Variants in PTPN12 observed in about 807,000 individuals in gnomAD.
PTPN12 encodes protein tyrosine phosphatase non-receptor type 12.
A neutral mutation model predicts 97.6 loss-of-function variants in PTPN12; 29 were observed. The observed-to-expected ratio is 0.30, with a 90% confidence interval of 0.22 to 0.41. PTPN12 has a LOEUF of 0.41. PTPN12 is among the 10% of genes least tolerant of loss of function. PTPN12 has a pLI of 1.00. For missense variants in PTPN12, 819 were observed against 926.0 expected, an observed-to-expected ratio of 0.88 and a Z score of 1.50; for synonymous variants, 327 against 300.4, an observed-to-expected ratio of 1.09 and a Z score of -0.91.
chr7:77,584,871 C>T (rs1191102546), intron 4 of PTPN12, among the ~76,000 whole-genome samples: 59 of 146,542 alleles, frequency 4.0e-4, no homozygotes, highest in Non-Finnish European at 6.3e-4. Flanking sequence ...AGCGAGACTC[C>T]GTCTCAAAAA....
At chr7:77,592,023 A>C (rs1787882465) in intron 5 of PTPN12, among the ~76,000 whole-genome samples, 162 bp from the exon 6 acceptor site, 1 of 152,174 alleles carries the variant, frequency 6.6e-6, no homozygotes, top group East Asian at 1.9e-4. Context: ...ATTTTTTAAA[A>C]CAACTGGGTA....
chr7:77,609,888 A>C lies in PTPN12; in HGVS notation c.763-877A>C, dbSNP rs200856697. ...AGAGCGAGACTCCGTCTCAAAAAAA[A>C]AACAACAAAAAAAAAACCCAAAAAT... On this transcript the variant is annotated intron_variant, in intron 9 of 17. Transcript: ENST00000248594. Among the ~76,000 whole-genome samples, 712 of 139,356 alleles carry C rather than the reference A, an allele frequency of 5.1e-3. 4 individuals carry two copies. Among genetic ancestry groups the C allele is most frequent in the African/African-American group, 0.014 (556 of 38,910 alleles). 91.4% of individuals were successfully genotyped at this position (139,356 alleles called of 152,430 possible). A position where few individuals can be genotyped will look rare whatever the true frequency, so the allele number is the denominator to read the frequency against.
At chr7:77,588,645 A>C (rs1450079277) in intron 5 of PTPN12, among the ~76,000 whole-genome samples, 1 of 152,212 alleles carries the variant, frequency 6.6e-6, no homozygotes, top group Non-Finnish European at 1.5e-5. Flanking sequence ...AATTTGTAAA[A>C]TATGCAGTGT....
intron 6 of PTPN12, among the ~76,000 whole-genome samples, chr7:77,592,745 A>G (rs1003009636): frequency 6.6e-6 from 1 of 152,216 alleles, no homozygotes; most frequent in African/African-American, 2.4e-5. Context: ...TATGAAACTT[A>G]AAATGTTTTC....
intron 1 of PTPN12, among the ~76,000 whole-genome samples, chr7:77,545,287 A>G (rs1038208240): frequency 6.6e-6 from 1 of 152,200 alleles, no homozygotes. Context: ...CATCCAGTCC[A>G]TTCAACACAT....
Position 77,537,432 on chromosome 7 carries a change from G to A in PTPN12, c.-115G>A. On this transcript the variant is annotated 5_prime_UTR_variant, in exon 1 of 18. Coordinates refer to ENST00000248594, the MANE Select transcript of PTPN12 (RefSeq NM_002835.4). ...GAGGAGGGAGCCGCGGGGCTTGGCG[G>A]GGTCGGGAGGGAGGGACGTGCTGGG... The A allele has an allele frequency of 1.5e-6, 2 of 1,372,854 alleles. No homozygotes were observed. The highest frequency in any genetic ancestry group is 1.9e-6 in the Non-Finnish European group (2 of 1,054,894). 85.0% of individuals were successfully genotyped at this position (1,372,854 alleles called of 1,614,324 possible).
chr7:77,618,186 A>C (rs745713408), intron 11 of PTPN12, among the ~76,000 whole-genome samples: 1 of 151,906 alleles, frequency 6.6e-6, no homozygotes, highest in Non-Finnish European at 1.5e-5. Flanking sequence ...TCTTTAATCC[A>C]CATTATCTTG....
Position 77,639,286 on chromosome 7 carries a change from G to A in PTPN12, c.*6G>A. The A allele has an allele frequency of 6.2e-7, 1 of 1,608,570 alleles. No homozygotes were observed. Among genetic ancestry groups the A allele is most frequent in the Non-Finnish European group, 8.5e-7 (1 of 1,176,112 alleles). On this transcript the variant is annotated 3_prime_UTR_variant, in exon 18 of 18. Coordinates refer to ENST00000248594, the MANE Select transcript of PTPN12 (RefSeq NM_002835.4). ...CACCTTCAGAATGGACATGATTCAGGGAGCTAGAAGACACTTTAAGTTATA... is the reference window on the plus strand; with the variant it reads ...CACCTTCAGAATGGACATGATTCAGAGAGCTAGAAGACACTTTAAGTTATA...
rs1788829824 is a variant in PTPN12, at chr7:77,618,532, A to T, written c.992A>T (p.Asp331Val). ...MVSSIEPEKQ[D>V]SPPPKPPRTR... ...AGCTCCATAGAGCCTGAAAAACAAG[A>T]TTCTCCTCCTCCAAAACCACCAAGG... Residue 331 changes from aspartate (D) to valine (V), a missense_variant, in exon 12 of 18, where the codon GAT (aspartate) becomes GTT (valine). This residue lies in a region of PTPN12 where 607 missense variants were observed against 577.3 expected (regional missense o/e 1.05). Coordinates refer to ENST00000248594, the MANE Select transcript of PTPN12 (RefSeq NM_002835.4). 6.2e-7 allele frequency: 1 copy of T among 1,609,468 alleles called. No individual in the cohort carries two copies. The highest frequency in any genetic ancestry group is 1.3e-5 in the African/African-American group (1 of 74,748).
At chr7:77,625,254 T>C (rs1015764660) in intron 12 of PTPN12, among the ~76,000 whole-genome samples, 5 of 126,884 alleles carry the variant, frequency 3.9e-5, no homozygotes, top group Non-Finnish European at 5.4e-5. Context: ...TCTTCTTTGG[T>C]TTTTTTTTTT....
At chr7:77,603,883 CTTTTTTTTTTTT>C (rs773037726) in intron 8 of PTPN12, among the ~76,000 whole-genome samples, 1 of 87,870 alleles carries the variant, frequency 1.1e-5, no homozygotes, top group Non-Finnish European at 2.1e-5. Flanking sequence ...TTTTTGTTTG[CTTTTTTTTTTTT>C]TTTTTTTTTT....
intron 1 of PTPN12, among the ~76,000 whole-genome samples, chr7:77,549,036 T>G (rs1364950140): frequency 6.6e-6 from 1 of 152,218 alleles, no homozygotes. Context: ...TCATTCACTT[T>G]TATCTCAAAT....
intron 1 of PTPN12, among the ~76,000 whole-genome samples, chr7:77,560,536 C>G (rs1409874440): frequency 6.6e-6 from 1 of 152,212 alleles, no homozygotes; most frequent in Non-Finnish European, 1.5e-5. Flanking sequence ...AAACCACCCT[C>G]TTTATTCCAA....
Position 77,537,407 on chromosome 7 carries a change from G to T in PTPN12, c.-140G>T. The T allele has an allele frequency of 7.9e-7, 1 of 1,267,814 alleles. No individual in the cohort carries two copies. Among genetic ancestry groups the T allele is most frequent in the East Asian group, 3.1e-5 (1 of 31,934 alleles). 78.5% of individuals were successfully genotyped at this position (1,267,814 alleles called of 1,614,324 possible). A position where few individuals can be genotyped will look rare whatever the true frequency, so the allele number is the denominator to read the frequency against. On this transcript the variant is annotated 5_prime_UTR_variant, in exon 1 of 18. Transcript: ENST00000248594. ...AGCCGCCGCCTAGGGCGGTGGGGAG[G>T]AGGAGGGAGCCGCGGGGCTTGGCGG...
At chr7:77,623,766 T>C (rs896436100) in intron 12 of PTPN12, among the ~76,000 whole-genome samples, 1 of 152,216 alleles carries the variant, frequency 6.6e-6, no homozygotes, top group African/African-American at 2.4e-5. Context: ...TCTCACCATG[T>C]ACACGTAGGG....
chr7:77,631,950 G>T (rs1028765609), intron 13 of PTPN12, among the ~76,000 whole-genome samples: 1 of 152,206 alleles, frequency 6.6e-6, no homozygotes, highest in Non-Finnish European at 1.5e-5. Flanking sequence ...AAGGTGTTAA[G>T]CAATTGAATC....
Position 77,629,313 on chromosome 7 carries a change from T to C in PTPN12, c.1996+1638T>C, listed in dbSNP as rs1789315847. Among the ~76,000 whole-genome samples the C allele has an allele frequency of 2.0e-5, 3 of 152,228 alleles. No individual in the cohort carries two copies. In the South Asian group the frequency reaches 6.2e-4, roughly 32 times the overall value. On this transcript the variant is annotated intron_variant, in intron 13 of 17. Coordinates refer to ENST00000248594, the MANE Select transcript of PTPN12 (RefSeq NM_002835.4). ...ATCTTTTCTTGATTTATCTTTGTTTTATTTGAAGGATCTTTAGAAGATAAT... is the reference window on the plus strand; with the variant it reads ...ATCTTTTCTTGATTTATCTTTGTTTCATTTGAAGGATCTTTAGAAGATAAT...
intron 8 of PTPN12, among the ~76,000 whole-genome samples, chr7:77,602,574 T>A (rs918175894): frequency 6.6e-6 from 1 of 151,698 alleles, no homozygotes; most frequent in African/African-American, 2.4e-5. Flanking sequence ...AGACACCAAT[T>A]ACACTACTGC....
At chr7:77,545,592 C>G (rs1807177685) in intron 1 of PTPN12, among the ~76,000 whole-genome samples, 1 of 151,192 alleles carries the variant, frequency 6.6e-6, no homozygotes, top group Non-Finnish European at 1.5e-5. Context: ...TCTCAGCTCC[C>G]TCCAATTTTA....
Sources: allele counts gnomAD v4.1 joint callset (sites outside exome capture counted in the v4.1 genomes callset), GRCh38; gene constraint gnomAD v4.1.1; regional missense constraint gnomAD v4.1.1; transcripts MANE v1.5; gene names NCBI Gene and HGNC (gene_info 2026-07-23, HGNC 2026-07-21).